ST8SIA2: variants seen among roughly 807,000 people sequenced by gnomAD.
The protein encoded by ST8SIA2 is ST8 alpha-N-acetyl-neuraminide alpha-2,8-sialyltransferase 2.
Under a neutral mutation model 37.6 loss-of-function variants are expected in ST8SIA2, and 22 were observed. The ratio of observed to expected loss-of-function variants is 0.58; its 90% CI spans 0.42 to 0.83. The LOEUF is 0.83. Ranked by LOEUF, ST8SIA2 falls within the 40% of genes least tolerant of loss-of-function variation. The pLI is 0.00. For synonymous variants in ST8SIA2, 205 were observed against 201.2 expected, an observed-to-expected ratio of 1.02 and a Z score of -0.16; for missense variants, 382 against 484.7, an observed-to-expected ratio of 0.79 and a Z score of 1.99.
At chr15:92,445,039 G>C in intron 5 of ST8SIA2, 110 bp downstream of exon 5, 1 of 1,512,866 alleles carries the variant, frequency 6.6e-7, no homozygotes, top group Non-Finnish European at 9.0e-7. Flanking sequence ...CCACTCATTT[G>C]CTGGATGGCC....
intron 5 of ST8SIA2, among the ~76,000 whole-genome samples, chr15:92,457,543 C>T (rs752760635): frequency 3.3e-5 from 5 of 152,160 alleles, no homozygotes; most frequent in Non-Finnish European, 5.9e-5. Flanking sequence ...TACAACGTCC[C>T]GGATGCACCC....
Position 92,444,621 on chromosome 15 carries a change from C to CT in ST8SIA2, c.549-10dup, listed in dbSNP as rs758424986. 1.2e-6 allele frequency: 2 copies of CT among 1,614,214 alleles called. No individual in the cohort carries two copies. Among genetic ancestry groups the CT allele is most frequent in the Non-Finnish European group, 1.7e-6 (2 of 1,180,028 alleles). ...AGCTTTCCCAAAAGGATCATGTTGC[C>CT]TTTTTCTCCGGCAGGTGCAACCTGG... On this transcript the variant is annotated splice_polypyrimidine_tract_variant and intron_variant, in intron 4 of 5. Transcript: ENST00000268164.
chr15:92,439,389 A>G (rs1197204692), intron 4 of ST8SIA2, among the ~76,000 whole-genome samples: 2 of 152,220 alleles, frequency 1.3e-5, no homozygotes, highest in East Asian at 3.9e-4. Context: ...AAGGTTGCCC[A>G]TGGCCCTGCC....
intron 1 of ST8SIA2, among the ~76,000 whole-genome samples, chr15:92,404,961 TA>T (rs1276505980): frequency 6.6e-6 from 1 of 151,828 alleles, no homozygotes; most frequent in African/African-American, 2.4e-5. Flanking sequence ...AGTGAATGGA[TA>T]AACAAAATAT....
chr15:92,407,754 TG>T (rs1267157295), intron 1 of ST8SIA2, among the ~76,000 whole-genome samples: 2 of 152,252 alleles, frequency 1.3e-5, no homozygotes, highest in Non-Finnish European at 2.9e-5. Context: ...CCAAGCAGGC[TG>T]GAAGCCAAGA....
chr15:92,436,036 G>A (rs770614265), intron 3 of ST8SIA2, among the ~76,000 whole-genome samples: 9 of 143,806 alleles, frequency 6.3e-5, no homozygotes, highest in Non-Finnish European at 1.4e-4. Context: ...TCTTCACGTG[G>A]CCCTCTCCTC....
At chr15:92,408,352 G>T (rs751411155) in intron 1 of ST8SIA2, among the ~76,000 whole-genome samples, 7 of 152,146 alleles carry the variant, frequency 4.6e-5, no homozygotes, top group African/African-American at 9.7e-5. Context: ...CACCATGTTT[G>T]TTGCATGGTT....
chr15:92,454,016 A>G (rs957996193), intron 5 of ST8SIA2, among the ~76,000 whole-genome samples: 2 of 152,222 alleles, frequency 1.3e-5, no homozygotes, highest in African/African-American at 4.8e-5. Context: ...GGAGATATTC[A>G]GGCAGCAGCG....
Position 92,438,192 on chromosome 15 carries a change from T to C in ST8SIA2, c.291-161T>C, listed in dbSNP as rs571008182. ...CTTCTGGGCCACTTCTGGCCATCCC[T>C]GGCTGGAACCTGTTCTCGAGGGCAT... On this transcript the variant is annotated intron_variant, in intron 3 of 5. Transcript: ENST00000268164. Among the ~76,000 whole-genome samples the C allele has an allele frequency of 1.2e-4, 19 of 152,326 alleles. 2 individuals carry two copies. In the South Asian group the frequency reaches 3.9e-3, roughly 32 times the overall value.
intron 2 of ST8SIA2, among the ~76,000 whole-genome samples, chr15:92,431,544 T>C (rs977533954): frequency 1.3e-5 from 2 of 152,132 alleles, no homozygotes; most frequent in Non-Finnish European, 2.9e-5. Context: ...AGAAGGTCAC[T>C]GGGAGTGAAG....
Position 92,450,830 on chromosome 15 carries a change from G to T in ST8SIA2, c.842+5901G>T, listed in dbSNP as rs568025573. On this transcript the variant is annotated intron_variant, in intron 5 of 5. Transcript: ENST00000268164. ...ATATCACTTCATACCCTCTAGCATG[G>T]CTATTAGTAAACACACATACACACA... 6.6e-4 allele frequency among the ~76,000 whole-genome samples: 101 copies of T among 152,296 alleles called. 1 individual carries two copies. The highest frequency in any genetic ancestry group is 1.5e-3 in the Admixed American group (23 of 15,296).
intron 5 of ST8SIA2, among the ~76,000 whole-genome samples, chr15:92,460,274 G>A (rs911584968): frequency 6.6e-6 from 1 of 152,214 alleles, no homozygotes; most frequent in Non-Finnish European, 1.5e-5. Context: ...ACTGGAGGAG[G>A]CTGTGAGAAT....
intron 5 of ST8SIA2, among the ~76,000 whole-genome samples, chr15:92,452,950 T>C (rs1041624967): frequency 6.6e-6 from 1 of 152,138 alleles, no homozygotes; most frequent in Admixed American, 6.5e-5. Flanking sequence ...TTAGATGGCC[T>C]CCCTTCCCAC....
intron 5 of ST8SIA2, among the ~76,000 whole-genome samples, chr15:92,463,547 GCACCA>G (rs138242674): frequency 0.017 from 2,554 of 152,292 alleles, 85 homozygotes; most frequent in African/African-American, 0.059. Flanking sequence ...AAGGCAGCAG[GCACCA>G]CACAAGAGCC....
chr15:92,455,641 G>A (rs2049914960), intron 5 of ST8SIA2, among the ~76,000 whole-genome samples: 1 of 152,192 alleles, frequency 6.6e-6, no homozygotes, highest in Non-Finnish European at 1.5e-5. Flanking sequence ...AGTCCACTGT[G>A]TGTCTGGACC....
chr15:92,454,677 G>A (rs148678968), intron 5 of ST8SIA2, among the ~76,000 whole-genome samples: 23 of 151,848 alleles, frequency 1.5e-4, no homozygotes, highest in South Asian at 1.0e-3. Context: ...GGCAGGGCCC[G>A]GCCTCTGGTG....
At chr15:92,417,866 G>C (rs1490369926) in intron 1 of ST8SIA2, among the ~76,000 whole-genome samples, 1 of 152,168 alleles carries the variant, frequency 6.6e-6, no homozygotes, top group African/African-American at 2.4e-5. Context: ...AGTGTAATGT[G>C]AGCGGAGAGT....
At chr15:92,404,464 A>G (rs2049493072) in intron 1 of ST8SIA2, among the ~76,000 whole-genome samples, 1 of 152,054 alleles carries the variant, frequency 6.6e-6, no homozygotes. Flanking sequence ...CGGTTCCTCA[A>G]AAAATTTAAC....
At chr15:92,457,331 A>T (rs970181599) in intron 5 of ST8SIA2, among the ~76,000 whole-genome samples, 1 of 152,194 alleles carries the variant, frequency 6.6e-6, no homozygotes, top group Non-Finnish European at 1.5e-5. Context: ...TACCCAGCCC[A>T]GGAACCCAGG....
Sources: gnomAD v4.1 joint callset for allele counts (sites outside exome capture counted in the v4.1 genomes callset) on GRCh38, gnomAD v4.1.1 for gene constraint, MANE v1.5 for transcripts, NCBI Gene and HGNC (gene_info 2026-07-23, HGNC 2026-07-21) for gene names.